The following BCAS3 variants were observed in gnomAD, a reference collection of about 807,000 sequenced individuals.
BCAS3 encodes the protein BCAS4/BCAS3 fusion.
In BCAS3, 53 loss-of-function variants were observed where a neutral mutation model predicts 116.1. The observed-to-expected ratio is 0.46, with a 90% CI of 0.37 to 0.57. The LOEUF (loss-of-function observed/expected upper bound fraction) is 0.57. BCAS3 is among the 20% of genes least tolerant of loss of function. The pLI is 0.00. For synonymous variants in BCAS3, 391 were observed against 408.2 expected (o/e 0.96, Z 0.51); for missense variants, 917 against 1,165.4 (o/e 0.79, Z 3.10).
At position 61,077,373 on chromosome 17, in the gene BCAS3, C is replaced by T. The variant is rs559190174; in HGVS notation, c.2131-960C>T. The stretch of plus-strand genomic sequence containing the variant: ...TCTACTAAAAATACAAAAAATTAGC[C>T]GGGCGTGGTGGCGGGCGCCTGTAGT... On this transcript the variant is annotated intron_variant, in intron 20 of 23. Coordinates refer to ENST00000407086, the MANE Select transcript of BCAS3 (RefSeq NM_017679.5). The surrounding 1 kb of genome is among the most constrained non-coding windows in gnomAD (Gnocchi z 4.3). Among the ~76,000 whole-genome samples the T allele has an allele frequency of 3.9e-5, 6 of 151,992 alleles. No individual in the cohort carries two copies. Among genetic ancestry groups the T allele is most frequent in the Non-Finnish European group, 8.8e-5 (6 of 67,984 alleles).
chr17:61,370,754 G>A (rs2059005049), intron 23 of BCAS3, among the ~76,000 whole-genome samples: 1 of 152,234 alleles, frequency 6.6e-6, no homozygotes, highest in South Asian at 2.1e-4. Context: ...AGTTTCCATG[G>A]CTGAGAATCA....
In BCAS3 at chr17:61,287,597, G is replaced by C. The variant is rs143103106; in HGVS notation, c.2426-80730G>C. 2.6e-3 allele frequency among the ~76,000 whole-genome samples: 398 copies of C among 151,986 alleles called. 2 individuals are homozygous for C. The highest frequency in any genetic ancestry group is 6.8e-3 in the Middle Eastern group (2 of 294). ...AAAAATTAGCCAGGCATGGTGATGG[G>C]CACCTACAGTCCCAGCTACTACTGA... On this transcript the variant is annotated intron_variant, in intron 22 of 23. Coordinates refer to ENST00000407086, the MANE Select transcript of BCAS3 (RefSeq NM_017679.5).
chr17:60,785,348 C>T (rs780339404), intron 6 of BCAS3, among the ~76,000 whole-genome samples: 7 of 151,706 alleles, frequency 4.6e-5, no homozygotes, highest in East Asian at 2.0e-4. Context: ...TAGTAGAAAT[C>T]GGGTTTCACC....
intron 6 of BCAS3, among the ~76,000 whole-genome samples, chr17:60,789,550 G>C (rs1426734668): frequency 6.6e-6 from 1 of 152,144 alleles, no homozygotes; most frequent in African/African-American, 2.4e-5. Flanking sequence ...TTTAACAAAA[G>C]GACTTTGCAA....
intron 23 of BCAS3, among the ~76,000 whole-genome samples, chr17:61,385,291 A>G (rs1490821920): frequency 3.3e-5 from 5 of 151,944 alleles, no homozygotes; most frequent in African/African-American, 4.8e-5. Context: ...ACCCCACACA[A>G]TTTGCTCAAG....
At chr17:61,293,488 C>T (rs2052627083) in intron 22 of BCAS3, among the ~76,000 whole-genome samples, 1 of 152,164 alleles carries the variant, frequency 6.6e-6, no homozygotes, top group Admixed American at 6.5e-5. Context: ...GTTTAACCTT[C>T]TTGGCTCGTT....
intron 6 of BCAS3, among the ~76,000 whole-genome samples, chr17:60,782,953 A>G (rs1478696964): frequency 1.3e-5 from 2 of 152,102 alleles, no homozygotes; most frequent in African/African-American, 2.4e-5. Flanking sequence ...CCCCAAATGC[A>G]TGCATACGTA....
At chr17:61,338,008 C>T (rs1156942968) in intron 22 of BCAS3, among the ~76,000 whole-genome samples, 1 of 152,180 alleles carries the variant, frequency 6.6e-6, no homozygotes, top group Non-Finnish European at 1.5e-5. Flanking sequence ...GTGTTGTGAG[C>T]AACTCAAAGT....
chr17:61,009,094 C>T, intron 15 of BCAS3, among the ~76,000 whole-genome samples: 1 of 151,930 alleles, frequency 6.6e-6, no homozygotes, highest in East Asian at 1.9e-4. Flanking sequence ...AGGAAGGTGT[C>T]TATTGTAAAC....
intron 22 of BCAS3, among the ~76,000 whole-genome samples, chr17:61,345,468 C>T (rs1340263258): frequency 6.6e-6 from 1 of 151,700 alleles, no homozygotes; most frequent in African/African-American, 2.4e-5. Flanking sequence ...GGAAGAAATA[C>T]AGGAGGGAAG....
intron 5 of BCAS3, among the ~76,000 whole-genome samples, chr17:60,739,858 A>G (rs929005473): frequency 1.3e-5 from 2 of 151,574 alleles, no homozygotes; most frequent in Admixed American, 1.3e-4. Flanking sequence ...ATACAGAATT[A>G]GAGGTTGCTG....
intron 4 of BCAS3, among the ~76,000 whole-genome samples, chr17:60,704,414 A>T (rs2036847776): frequency 6.6e-6 from 1 of 152,200 alleles, no homozygotes; most frequent in South Asian, 2.1e-4. Context: ...GGGAAAAGAT[A>T]AACAGCAGCT....
chr17:61,288,435 G>A (rs1052445330), intron 22 of BCAS3, among the ~76,000 whole-genome samples: 1 of 152,132 alleles, frequency 6.6e-6, no homozygotes, highest in Non-Finnish European at 1.5e-5. Flanking sequence ...CAAGTACAAG[G>A]GCTTTGTCCC....
intron 22 of BCAS3, among the ~76,000 whole-genome samples, chr17:61,093,688 A>G (rs1214743258): frequency 2.0e-5 from 3 of 152,186 alleles, no homozygotes; most frequent in African/African-American, 7.2e-5. Context: ...CGCCTTTCCT[A>G]TTATGAATTG....
rs2143035420 is a variant in BCAS3 at position 61,041,702 on chromosome 17, A to C, written c.2029+810A>C. On this transcript the variant is annotated intron_variant, in intron 19 of 23. Transcript: ENST00000407086. The surrounding 1 kb of genome is among the most constrained non-coding windows in gnomAD (Gnocchi z 4.7). ...AAGCATGAATTAAAATAGTTGTCGA[A>C]TGATTTTATTTTATCTTTATAATGT... Among the ~76,000 whole-genome samples, 1 of 152,154 alleles carries C rather than the reference A, an allele frequency of 6.6e-6. No homozygotes were observed. The highest frequency in any genetic ancestry group is 1.9e-4 in the East Asian group (1 of 5,188).
At chr17:60,796,047 G>A (rs2047189354) in intron 6 of BCAS3, among the ~76,000 whole-genome samples, 1 of 152,190 alleles carries the variant, frequency 6.6e-6, no homozygotes, top group Admixed American at 6.5e-5. Context: ...ACTCACGTAT[G>A]TTAAACCATC....
chr17:60,926,859 T>C (rs536095428), intron 13 of BCAS3, among the ~76,000 whole-genome samples: 142 of 152,348 alleles, frequency 9.3e-4, no homozygotes, highest in African/African-American at 3.2e-3. Flanking sequence ...ACATTTGCCA[T>C]TTGATTTCTT....
rs1358808507 is a variant in BCAS3 at position 61,332,259 on chromosome 17, CTAAAACAGTCTTACT to C, written c.2426-36067_2426-36053del. 5.3e-5 allele frequency among the ~76,000 whole-genome samples: 8 copies of C among 152,168 alleles called. No individual in the cohort carries two copies. Among genetic ancestry groups the C allele is most frequent in the Non-Finnish European group, 7.3e-5 (5 of 68,028 alleles). ...GAACAGATACTGCCTGGTGACCCAC[CTAAAACAGTCTTACT>C]AGGACAGCAGGCTTAAGGTATGCCC... On this transcript the variant is annotated intron_variant, in intron 22 of 23. Coordinates refer to ENST00000407086, the MANE Select transcript of BCAS3 (RefSeq NM_017679.5). This position sits in a 1 kb window ranked among gnomAD's most constrained non-coding sequence, Gnocchi z 5.4.
chr17:60,969,119 C>T (rs1459905809), intron 14 of BCAS3, among the ~76,000 whole-genome samples: 1 of 152,086 alleles, frequency 6.6e-6, no homozygotes. Flanking sequence ...TCTGTGGCCT[C>T]AGGAATTGTC....
Sources: gnomAD v4.1 joint callset for allele counts (sites outside exome capture counted in the v4.1 genomes callset) on GRCh38, gnomAD v4.1.1 for gene constraint, Gnocchi (gnomAD v3.1) non-coding constraint, MANE v1.5 for transcripts, NCBI Gene and HGNC (gene_info 2026-07-23, HGNC 2026-07-21) for gene names.